Variants in CCSER1 observed in about 807,000 individuals in gnomAD.
The protein encoded by CCSER1 is coiled-coil serine rich protein 1, also known as serine-rich coiled-coil domain-containing protein 1.
Under a neutral mutation model 82.0 loss-of-function variants are expected in CCSER1, and 41 were observed. The ratio of observed to expected loss-of-function variants is 0.50; its 90% CI spans 0.39 to 0.65. The LOEUF is 0.65. Ranked by LOEUF, CCSER1 falls within the 30% of genes least tolerant of loss-of-function variation. The probability of loss-of-function intolerance (pLI) is 0.00; values close to 1 mark genes in which losing one functional copy is unlikely to be tolerated. For synonymous variants in CCSER1, 414 were observed against 383.9 expected, an observed-to-expected ratio of 1.08 and a Z score of -0.92; for missense variants, 1,119 against 1,064.2, an observed-to-expected ratio of 1.05 and a Z score of -0.72.
chr4:90,264,323 G>A (rs976393961), intron 1 of CCSER1, among the ~76,000 whole-genome samples: 1 of 152,036 alleles, frequency 6.6e-6, no homozygotes, highest in Admixed American at 6.6e-5. Context: ...TTATTGTATT[G>A]TGTATACATT....
chr4:91,115,863 T>A (rs11726397), intron 10 of CCSER1, among the ~76,000 whole-genome samples: 20,773 of 141,094 alleles, frequency 0.15, 1,990 homozygotes, highest in African/African-American at 0.24. Flanking sequence ...ATATATATTT[T>A]TTTTTATTAT....
intron 10 of CCSER1, among the ~76,000 whole-genome samples, chr4:91,144,915 A>G (rs1387900990): frequency 6.6e-6 from 1 of 152,092 alleles, no homozygotes; most frequent in Non-Finnish European, 1.5e-5. Flanking sequence ...TACTGTGTGC[A>G]GATGAGAACA....
intron 10 of CCSER1, among the ~76,000 whole-genome samples, chr4:91,155,486 C>T (rs1291595386): frequency 6.6e-6 from 1 of 151,770 alleles, no homozygotes; most frequent in Non-Finnish European, 1.5e-5. Context: ...TACAAGATAT[C>T]AAGAAGAACT....
At chr4:90,130,216 C>G (rs1472039648) in intron 1 of CCSER1, among the ~76,000 whole-genome samples, 1 of 152,142 alleles carries the variant, frequency 6.6e-6, no homozygotes, top group Admixed American at 6.5e-5. Flanking sequence ...TGGGGAGGAA[C>G]GGGAGATTCC....
rs537134969 is a variant in CCSER1 at position 90,189,457 on chromosome 4, A to G, written c.-42+61626A>G. On this transcript the variant is annotated intron_variant, in intron 1 of 10. Transcript: ENST00000509176. ...ATTCCAAGTCTGAGACAGTTGGCTTATGACGTGCACTGAGCATATGGATGT... is the reference window on the plus strand; with the variant it reads ...ATTCCAAGTCTGAGACAGTTGGCTTGTGACGTGCACTGAGCATATGGATGT... 3.9e-5 allele frequency among the ~76,000 whole-genome samples: 6 copies of G among 152,040 alleles called. No homozygotes were observed. In the South Asian group the frequency reaches 1.2e-3, roughly 32 times the overall value.
At chr4:91,542,543 CTTCA>C (rs921810601) in intron 10 of CCSER1, among the ~76,000 whole-genome samples, 2 of 152,122 alleles carry the variant, frequency 1.3e-5, no homozygotes, top group Middle Eastern at 3.4e-3. Context: ...TTATTTCTGC[CTTCA>C]TTTTGTTATG....
At chr4:91,586,002 C>A (rs1045181655) in intron 10 of CCSER1, among the ~76,000 whole-genome samples, 2 of 151,514 alleles carry the variant, frequency 1.3e-5, no homozygotes, top group African/African-American at 4.8e-5. Flanking sequence ...TAAAGTAGTA[C>A]AAGATAATGG....
At chr4:90,744,252 G>A (rs6843193) in intron 7 of CCSER1, among the ~76,000 whole-genome samples, 60,926 of 151,900 alleles carry the variant, frequency 0.4, 13,341 homozygotes, top group African/African-American at 0.59. Context: ...GAAACTATAC[G>A]TATTCGGTTA....
intron 5 of CCSER1, among the ~76,000 whole-genome samples, chr4:90,544,002 C>T (rs1344291646): frequency 6.6e-6 from 1 of 152,006 alleles, no homozygotes; most frequent in African/African-American, 2.4e-5. Flanking sequence ...GTGTCAGAGA[C>T]AAGAGTTTCT....
intron 1 of CCSER1, among the ~76,000 whole-genome samples, chr4:90,273,789 A>G (rs920527668): frequency 6.6e-6 from 1 of 152,142 alleles, no homozygotes; most frequent in African/African-American, 2.4e-5. Flanking sequence ...CACCAGAACA[A>G]CATGAGTAAG....
At chr4:90,661,119 A>C (rs546991735) in intron 6 of CCSER1, among the ~76,000 whole-genome samples, 1 of 152,318 alleles carries the variant, frequency 6.6e-6, no homozygotes, top group East Asian at 1.9e-4. Flanking sequence ...CATATTATGC[A>C]AATAGTGTGA....
intron 10 of CCSER1, among the ~76,000 whole-genome samples, chr4:91,549,557 C>T (rs1333798775): frequency 6.6e-6 from 1 of 152,056 alleles, no homozygotes; most frequent in African/African-American, 2.4e-5. Flanking sequence ...CCTTTGGGGG[C>T]CAGGCAAGGT....
At chr4:90,838,492 T>A (rs1242213768) in intron 8 of CCSER1, among the ~76,000 whole-genome samples, 8 of 151,460 alleles carry the variant, frequency 5.3e-5, no homozygotes, top group Admixed American at 6.6e-5. Context: ...ATATTTTTTT[T>A]AAGTTTTTAA....
intron 3 of CCSER1, among the ~76,000 whole-genome samples, chr4:90,314,975 T>C (rs1024743075): frequency 1.3e-5 from 2 of 150,504 alleles, no homozygotes; most frequent in Non-Finnish European, 3.0e-5. Context: ...GCCTCCCGAG[T>C]ACCTGGGATT....
chr4:90,784,762 G>A (rs1242071985), intron 7 of CCSER1, among the ~76,000 whole-genome samples: 4 of 152,220 alleles, frequency 2.6e-5, no homozygotes, highest in African/African-American at 9.6e-5. Context: ...GTCTACTGTT[G>A]ACTAGAAGTC....
intron 7 of CCSER1, among the ~76,000 whole-genome samples, chr4:90,739,978 G>A (rs1217091905): frequency 6.6e-6 from 1 of 152,110 alleles, no homozygotes; most frequent in Non-Finnish European, 1.5e-5. Context: ...TTTTTGTGTG[G>A]ACAGTTGTTC....
intron 10 of CCSER1, among the ~76,000 whole-genome samples, chr4:91,201,003 A>G (rs1735863822): frequency 6.6e-6 from 1 of 152,040 alleles, no homozygotes; most frequent in Non-Finnish European, 1.5e-5. Context: ...AGTAGTATCA[A>G]GAACAATTTA....
chr4:90,622,167 G>A (rs1051830857), intron 5 of CCSER1, among the ~76,000 whole-genome samples: 3 of 152,154 alleles, frequency 2.0e-5, no homozygotes, highest in Admixed American at 1.3e-4. Flanking sequence ...ATGCATCTGT[G>A]ATAAGCATTA....
chr4:91,556,586 T>G (rs2110239564), intron 10 of CCSER1, among the ~76,000 whole-genome samples: 1 of 151,234 alleles, frequency 6.6e-6, no homozygotes, highest in East Asian at 1.9e-4. Flanking sequence ...TGTTCAAAAC[T>G]ATCTAGACAG....
Sources: allele counts gnomAD v4.1 joint callset (sites outside exome capture counted in the v4.1 genomes callset), GRCh38; gene constraint gnomAD v4.1.1; transcripts MANE v1.5; gene names NCBI Gene and HGNC (gene_info 2026-07-23, HGNC 2026-07-21).